MPP1: variants seen among roughly 807,000 people sequenced by gnomAD.
MPP1 encodes the protein 55 kDa erythrocyte membrane protein.
In MPP1, 6 loss-of-function variants were observed where a neutral mutation model predicts 38.2. The ratio of observed to expected loss-of-function variants is 0.16; its 90% CI spans 0.09 to 0.31. The LOEUF (loss-of-function observed/expected upper bound fraction) is 0.31, where lower values mean the gene tolerates loss of function less well. Among genes scored for constraint, MPP1 ranks in the 10% least tolerant of loss-of-function variants. MPP1 has a pLI of 1.00. For missense variants in MPP1, 293 were observed against 368.9 expected (o/e 0.79, Z 1.69); for synonymous variants, 153 against 146.3 (o/e 1.05, Z -0.33).
chrX:154,796,029 C>A (rs1012147667), intron 1 of MPP1, among the ~76,000 whole-genome samples: 3 of 109,322 alleles, frequency 2.7e-5, no homozygotes, highest in African/African-American at 1.0e-4. Context: ...AACCTTGACC[C>A]TGTTTAAGTA....
Position 154,784,106 on chromosome X carries a change from A to G in MPP1, c.787T>C (p.Phe263Leu), listed in dbSNP as rs781833007. 1 of 1,204,587 alleles carries G rather than the reference A, an allele frequency of 8.3e-7. No homozygotes were observed. Among genetic ancestry groups the G allele is most frequent in the Non-Finnish European group, 1.1e-6 (1 of 890,488 alleles). The change falls in exon 8 of 12, where the codon TTT (phenylalanine) becomes CTT (leucine). Residue 263 changes from phenylalanine (F) to leucine (L), a missense_variant and splice_region_variant. By Grantham distance (22) the Phe-to-Leu change is conservative. Transcript: ENST00000369534. Reference sequence around the variant, plus strand: ...TAGGAAACAACATCCAACTGATCAAAAACTAGAGACAAAGAAAACCAAGCA... The same window carrying G: ...TAGGAAACAACATCCAACTGATCAAGAACTAGAGACAAAGAAAACCAAGCA... The part of the protein sequence containing the change: ...DKYLAKHSSI[F>L]DQLDVVSYEE...
At position 154,805,428 on chromosome X, in the gene MPP1, G is replaced by A; in HGVS notation, c.-55C>T. The A allele has an allele frequency of 1.9e-6, 2 of 1,077,175 alleles. No homozygotes were observed. The highest frequency in any genetic ancestry group is 2.0e-5 in the South Asian group (1 of 49,565). 88.8% of individuals were successfully genotyped at this position (1,077,175 alleles called of 1,213,427 possible). On this transcript the variant is annotated 5_prime_UTR_variant, in exon 1 of 12. Coordinates refer to ENST00000369534, the MANE Select transcript of MPP1 (RefSeq NM_002436.4). The stretch of plus-strand genomic sequence containing the variant: ...GACAGGGCAGCGCTGGGAATGACAG[G>A]GCCCGGGGCCTGCGGGGCTGCGGAG...
chrX:154,789,985 G>A lies in MPP1; in HGVS notation c.449C>T (p.Pro150Leu), dbSNP rs782221902. ...TKGMISLKVI[P>L]NQQSRLPALQ... is the part of the protein sequence containing the mutation. ...TGCAGGAAGACGGCTTTGCTGGTTG[G>A]GAATTACTTTTAATGAGATCATTCC... Residue 150 changes from proline to leucine, a missense_variant, in exon 5 of 12, where the codon CCC becomes CTC. Coordinates refer to ENST00000369534, the MANE Select transcript of MPP1 (RefSeq NM_002436.4). 8.3e-7 allele frequency: 1 copy of A among 1,202,278 alleles called. No individual in the cohort carries two copies. Among genetic ancestry groups the A allele is most frequent in the South Asian group, 1.8e-5 (1 of 56,097 alleles).
Position 154,779,018 on chromosome X carries a change from A to G in MPP1, c.*159T>C. 2 of 518,797 alleles carry G rather than the reference A, an allele frequency of 3.9e-6. No homozygotes were observed. Among genetic ancestry groups the G allele is most frequent in the Non-Finnish European group, 6.1e-6 (2 of 329,918 alleles). The allele number at this position is 518,797 out of a possible 1,213,427, so 42.8% of individuals were successfully genotyped here. ...GGAGAATCAACCCTTCAGGAGCCTG[A>G]GCAAGAAGACTGAACCTTACTGGCT... is the stretch of plus-strand genomic sequence containing the variant. On this transcript the variant is annotated 3_prime_UTR_variant, in exon 12 of 12. Transcript: ENST00000369534.
At chrX:154,800,496 G>GA (rs1232299141) in intron 1 of MPP1, among the ~76,000 whole-genome samples, 3 of 110,872 alleles carry the variant, frequency 2.7e-5, no homozygotes, top group Non-Finnish European at 5.7e-5. Context: ...TTCCACTGGG[G>GA]AAAAAAAACA....
chrX:154,786,665 G>GA lies in MPP1; in HGVS notation c.481-266_481-265insT, dbSNP rs200162958. ...AATCCCAGCACTTTGGGAGGCCGAG[G>GA]CGGGTGGAACACATGAGGCTAGGAG... On this transcript the variant is annotated intron_variant, in intron 5 of 11. Transcript: ENST00000369534. 3.1e-3 allele frequency among the ~76,000 whole-genome samples: 347 copies of GA among 110,895 alleles called. 10 individuals are homozygous for GA. The East Asian group carries it at 0.073, about 23-fold the overall frequency.
chrX:154,793,090 AAAATGGTCTGCACGAT>A (rs2072160107), intron 1 of MPP1, among the ~76,000 whole-genome samples: 1 of 112,296 alleles, frequency 8.9e-6, no homozygotes, highest in African/African-American at 3.2e-5. Context: ...GCAGCGGGGA[AAAATGGTCTGCACGAT>A]AAATGTCATA....
At position 154,779,285 on chromosome X, in the gene MPP1, G is replaced by A. The variant is rs782187027; in HGVS notation, c.1293C>T (p.Asp431=). The A allele has an allele frequency of 5.8e-6, 7 of 1,211,257 alleles. No individual in the cohort carries two copies. The Admixed American group carries it at 1.3e-4, about 23-fold the overall frequency. Residue 431 remains aspartate, a synonymous_variant, in exon 12 of 12, where the codon GAC becomes GAT. Coordinates refer to ENST00000369534, the MANE Select transcript of MPP1 (RefSeq NM_002436.4). ...AIRSQYAHYF[D]LSLVNNGVDE... ...CAACACCATTATTGACCAGTGAGAG[G>A]TCAAAGTAGTGAGCGTACTGGCTGC...
At chrX:154,793,308 C>T (rs1458887511) in intron 1 of MPP1, among the ~76,000 whole-genome samples, 1 of 111,851 alleles carries the variant, frequency 8.9e-6, no homozygotes, top group Non-Finnish European at 1.9e-5. Flanking sequence ...TATGACACAG[C>T]CTGAGAATAA....
chrX:154,790,172 G>C (rs1340012927), intron 4 of MPP1, 150 bp from the exon 5 acceptor site: 2 of 422,157 alleles, frequency 4.7e-6, no homozygotes, highest in Non-Finnish European at 8.2e-6. Flanking sequence ...AAAGTGTCAT[G>C]TGCCCCATAA....
At chrX:154,795,002 T>C (rs2072179906) in intron 1 of MPP1, among the ~76,000 whole-genome samples, 1 of 111,777 alleles carries the variant, frequency 8.9e-6, no homozygotes, top group Non-Finnish European at 1.9e-5. Context: ...CTCAGGAGGC[T>C]GAGGCAGGGG....
intron 1 of MPP1, among the ~76,000 whole-genome samples, chrX:154,792,830 G>A (rs1227714679): frequency 1.8e-5 from 2 of 111,070 alleles, no homozygotes; most frequent in African/African-American, 6.6e-5. Context: ...ACTTCTACCT[G>A]TAGAATTAGG....
chrX:154,804,188 C>A (rs2072294662), intron 1 of MPP1, among the ~76,000 whole-genome samples: 1 of 111,980 alleles, frequency 8.9e-6, no homozygotes, highest in East Asian at 2.8e-4. Flanking sequence ...CCCAAAGAGT[C>A]TACAGCTCTA....
In MPP1 at chrX:154,805,431, C is replaced by T; in HGVS notation, c.-58G>A. ...AGGGCAGCGCTGGGAATGACAGGGC[C>T]CGGGGCCTGCGGGGCTGCGGAGAAG... On this transcript the variant is annotated 5_prime_UTR_variant, in exon 1 of 12. Transcript: ENST00000369534. 1.9e-6 allele frequency: 2 copies of T among 1,075,827 alleles called. No individual in the cohort carries two copies. The highest frequency in any genetic ancestry group is 2.5e-6 in the Non-Finnish European group (2 of 793,304). 88.7% of individuals were successfully genotyped at this position (1,075,827 alleles called of 1,213,427 possible). A position where few individuals can be genotyped will look rare whatever the true frequency, so the allele number is the denominator to read the frequency against.
chrX:154,785,264 T>G, intron 6 of MPP1, 107 bp from the exon 7 acceptor site: 1 of 543,880 alleles, frequency 1.8e-6, no homozygotes, highest in Non-Finnish European at 2.8e-6. Context: ...GAGTGTCCAT[T>G]ACAGTGGGAG....
intron 10 of MPP1, 124 bp from the exon 11 acceptor site, chrX:154,781,437 A>G (rs1391103351): frequency 4.8e-5 from 38 of 784,019 alleles, no homozygotes; most frequent in South Asian, 2.9e-4. Flanking sequence ...CTTTACCCCA[A>G]TACAACTTTC....
chrX:154,804,854 C>A, intron 1 of MPP1: 1 of 347,218 alleles, frequency 2.9e-6, no homozygotes, highest in South Asian at 2.6e-5. Flanking sequence ...AGTGAGTGAG[C>A]TCTTTAGAAC....
chrX:154,783,312 A>T, intron 9 of MPP1, 115 bp downstream of exon 9: 1 of 390,933 alleles, frequency 2.6e-6, no homozygotes, highest in Non-Finnish European at 3.9e-6. Flanking sequence ...GTTTAGTTTT[A>T]ATAATCATTT....
chrX:154,790,847 T>C (rs2072134511), intron 4 of MPP1, 136 bp downstream of exon 4: 6 of 527,740 alleles, frequency 1.1e-5, no homozygotes, highest in Non-Finnish European at 1.9e-5. Flanking sequence ...CTTACACAGA[T>C]TAAAGACTAG....
Sources: gnomAD v4.1 joint callset for allele counts (sites outside exome capture counted in the v4.1 genomes callset) on GRCh38, gnomAD v4.1.1 for gene constraint, MANE v1.5 for transcripts, NCBI Gene and HGNC (gene_info 2026-07-23, HGNC 2026-07-21) for gene names.